CLIP1: variants seen among roughly 807,000 people sequenced by gnomAD.
CLIP1 encodes the protein CAP-Gly domain containing linker protein 1.
Under a neutral mutation model 161.6 loss-of-function variants are expected in CLIP1, and 66 were observed. The ratio of observed to expected loss-of-function variants is 0.41; its 90% confidence interval spans 0.33 to 0.50. The LOEUF is 0.50. Among genes scored for constraint, CLIP1 ranks in the 20% least tolerant of loss-of-function variants. The pLI, the probability that CLIP1 is intolerant of heterozygous loss-of-function variation, is 0.27. For missense variants in CLIP1, 1,376 were observed against 1,702.0 expected (o/e 0.81, Z 3.37); for synonymous variants, 598 against 626.2 (o/e 0.96, Z 0.67).
rs764107433 is a variant in CLIP1, at chr12:122,341,447, T to G, written c.1757A>C (p.Lys586Thr). The G allele has an allele frequency of 8.1e-6, 13 of 1,613,634 alleles. No homozygotes were observed. The highest frequency in any genetic ancestry group is 1.1e-5 in the Non-Finnish European group (13 of 1,179,700). ...HFGAREETHQ[K>T]EIKALYTATE... Reference sequence around the variant, plus strand: ...GGCGGTATACAGAGCCTTTATCTCCTTCTGATGAGTTTCTTCCCGGGCTCC... The same window carrying G: ...GGCGGTATACAGAGCCTTTATCTCCGTCTGATGAGTTTCTTCCCGGGCTCC... Residue 586 changes from lysine to threonine, a missense_variant, in exon 11 of 26, where the codon AAG (lysine) becomes ACG (threonine). Physicochemically the swap from Lys to Thr is moderately conservative, Grantham distance 78. Around this residue, in one of 6 missense-constraint regions of CLIP1, gnomAD observed 948 missense variants for 1,134.8 expected, o/e 0.84. Coordinates refer to ENST00000620786, the MANE Select transcript of CLIP1 (RefSeq NM_001247997.2).
At chr12:122,284,588 G>A (rs974403604) in intron 21 of CLIP1, among the ~76,000 whole-genome samples, 2 of 152,084 alleles carry the variant, frequency 1.3e-5, no homozygotes, top group African/African-American at 4.8e-5. Flanking sequence ...CTGACCTCAG[G>A]TGATCCACCT....
chr12:122,355,514 A>C lies in CLIP1; in HGVS notation c.1006-202T>G. 1 of 561,350 alleles carries C rather than the reference A, an allele frequency of 1.8e-6. No individual in the cohort carries two copies. The highest frequency in any genetic ancestry group is 3.1e-5 in the Admixed American group (1 of 32,028). 34.8% of individuals were successfully genotyped at this position (561,350 alleles called of 1,614,324 possible). On this transcript the variant is annotated intron_variant, in intron 5 of 25. Transcript: ENST00000620786. This position sits in a 1 kb window ranked among gnomAD's most constrained non-coding sequence, Gnocchi z 4.1. Reference sequence around the variant, plus strand: ...TATAAATCTCACAAAGAATACATCAACGTAAAGAGATCAGCCAGGTGCGGT... The same window carrying C: ...TATAAATCTCACAAAGAATACATCACCGTAAAGAGATCAGCCAGGTGCGGT...
intron 1 of CLIP1, among the ~76,000 whole-genome samples, chr12:122,394,112 A>AGGT (rs1412677340): frequency 2.0e-5 from 3 of 151,990 alleles, no homozygotes; most frequent in African/African-American, 7.2e-5. Flanking sequence ...ATTATTTGGG[A>AGGT]GGTGGTGCAT....
chr12:122,289,658 G>A (rs1037024814), intron 20 of CLIP1, among the ~76,000 whole-genome samples: 1 of 152,052 alleles, frequency 6.6e-6, no homozygotes, highest in African/African-American at 2.4e-5. Context: ...GGTTACAAAA[G>A]AATTTCCAGT....
intron 1 of CLIP1, among the ~76,000 whole-genome samples, chr12:122,406,080 G>A (rs781365259): frequency 1.3e-5 from 2 of 152,012 alleles, no homozygotes; most frequent in Non-Finnish European, 2.9e-5. Context: ...GATGGGGGGC[G>A]GGAAGCAAAC....
chr12:122,279,140 G>T lies in CLIP1; in HGVS notation c.3653C>A (p.Ser1218Tyr). Residue 1218 changes from serine to tyrosine, a missense_variant, in exon 22 of 26, where the codon TCC becomes TAC. By Grantham distance (144) the Ser-to-Tyr change is moderately radical. Coordinates refer to ENST00000620786, the MANE Select transcript of CLIP1 (RefSeq NM_001247997.2). The surrounding 1 kb of genome is among the most constrained non-coding windows in gnomAD (Gnocchi z 4.5). Reference sequence around the variant, plus strand: ...TTCATCTGCGTCTTTTATGAACTTGGATTCTCTAAAAGACCAAAGAGTTAA... The same window carrying T: ...TTCATCTGCGTCTTTTATGAACTTGTATTCTCTAAAAGACCAAAGAGTTAA... The part of the protein sequence containing the change: ...NQLLEMKKRE[S>Y]KFIKDADEEK... The T allele has an allele frequency of 6.2e-7, 1 of 1,608,638 alleles. No homozygotes were observed. The highest frequency in any genetic ancestry group is 8.5e-7 in the Non-Finnish European group (1 of 1,176,838).
At chr12:122,362,380 T>A (rs1953884983) in intron 4 of CLIP1, among the ~76,000 whole-genome samples, 2 of 151,112 alleles carry the variant, frequency 1.3e-5, no homozygotes, top group Non-Finnish European at 2.9e-5. Flanking sequence ...GCGCCGTGGC[T>A]CACGCCTGTA....
chr12:122,303,449 C>A (rs1320367768), intron 20 of CLIP1, among the ~76,000 whole-genome samples: 1 of 152,176 alleles, frequency 6.6e-6, no homozygotes, highest in Non-Finnish European at 1.5e-5. Flanking sequence ...TCTTTAACCC[C>A]ACGTTACAGC....
At chr12:122,349,360 G>A (rs1031601557) in intron 9 of CLIP1, among the ~76,000 whole-genome samples, 4 of 152,140 alleles carry the variant, frequency 2.6e-5, no homozygotes, top group Non-Finnish European at 4.4e-5. Flanking sequence ...CGTAGCCAAC[G>A]CCTCCTTACT....
chr12:122,401,281 T>C (rs1463306531), intron 1 of CLIP1, among the ~76,000 whole-genome samples: 1 of 152,206 alleles, frequency 6.6e-6, no homozygotes, highest in East Asian at 1.9e-4. Flanking sequence ...CCCAACACTT[T>C]GGGAGGCTGA....
chr12:122,304,491 G>T (rs949106945), intron 20 of CLIP1, among the ~76,000 whole-genome samples: 69 of 152,222 alleles, frequency 4.5e-4, no homozygotes, highest in African/African-American at 1.6e-3. Context: ...CTCCCGAGTA[G>T]CCAGAATTAC....
chr12:122,274,160 A>C lies in CLIP1; in HGVS notation c.3969T>G (p.Ile1323Met). 1 of 1,594,552 alleles carries C rather than the reference A, an allele frequency of 6.3e-7. No individual in the cohort carries two copies. Among genetic ancestry groups the C allele is most frequent in the Non-Finnish European group, 8.6e-7 (1 of 1,162,414 alleles). ...DEDERAQESQIDFLNSVIVDL... is the reference protein window; with the variant it reads ...DEDERAQESQMDFLNSVIVDL... ...CCACTATTACTGAATTTAGGAAATCAATCTGATTTGTTAAAAAAAAAATGT... is the reference window on the plus strand; with the variant it reads ...CCACTATTACTGAATTTAGGAAATCCATCTGATTTGTTAAAAAAAAAATGT... The change falls in exon 25 of 26, where the codon ATT becomes ATG. Residue 1323 changes from isoleucine to methionine, a missense_variant and splice_region_variant. Physicochemically the swap from Ile to Met is conservative, Grantham distance 10. Coordinates refer to ENST00000620786, the MANE Select transcript of CLIP1 (RefSeq NM_001247997.2).
At chr12:122,396,393 T>C (rs996602234) in intron 1 of CLIP1, among the ~76,000 whole-genome samples, 5 of 152,158 alleles carry the variant, frequency 3.3e-5, no homozygotes, top group Admixed American at 3.3e-4. Context: ...GTTTTGAAGT[T>C]TGCAAGCCAG....
At chr12:122,284,916 T>C (rs1345929237) in intron 21 of CLIP1, among the ~76,000 whole-genome samples, 1 of 152,156 alleles carries the variant, frequency 6.6e-6, no homozygotes. Flanking sequence ...GCCTAACTTT[T>C]TGAGCTTTAG....
In CLIP1 at chr12:122,341,008, T is replaced by C. The variant is rs749373720; in HGVS notation, c.2196A>G (p.Leu732=). Reference sequence around the variant, plus strand: ...TTATTTCAGCTTCCTGTAATTTGTTTAACGTGTCTTCCATTTCTACGAGAT... The same window carrying C: ...TTATTTCAGCTTCCTGTAATTTGTTCAACGTGTCTTCCATTTCTACGAGAT... ...DQHLVEMEDT[L]NKLQEAEIKV... is the part of the protein sequence containing the mutation. Residue 732 remains leucine, a synonymous_variant, in exon 11 of 26, where the codon TTA becomes TTG. Transcript: ENST00000620786. 1 of 1,614,132 alleles carries C rather than the reference T, an allele frequency of 6.2e-7. No homozygotes were observed. The highest frequency in any genetic ancestry group is 8.5e-7 in the Non-Finnish European group (1 of 1,180,060).
chr12:122,283,497 T>G (rs980636838), intron 21 of CLIP1, among the ~76,000 whole-genome samples: 2 of 150,890 alleles, frequency 1.3e-5, no homozygotes, highest in African/African-American at 4.9e-5. Flanking sequence ...CTCGCTCTGT[T>G]GCCCAGGCTG....
chr12:122,339,197 C>T (rs141933695), intron 11 of CLIP1, among the ~76,000 whole-genome samples: 1 of 152,278 alleles, frequency 6.6e-6, no homozygotes, highest in African/African-American at 2.4e-5. Flanking sequence ...CACACTTGTT[C>T]AGTATTTCCC....
intron 3 of CLIP1, among the ~76,000 whole-genome samples, chr12:122,375,927 C>T (rs1002497570): frequency 6.6e-6 from 1 of 151,674 alleles, no homozygotes; most frequent in Admixed American, 6.6e-5. Context: ...AGGCGTGAGA[C>T]CCCATGTCCG....
intron 23 of CLIP1, chr12:122,278,503 G>T: frequency 1.9e-6 from 1 of 531,626 alleles, no homozygotes; most frequent in Admixed American, 3.5e-5. Flanking sequence ...CTTCACCAAA[G>T]GGACCACCTC....
Sources: allele counts gnomAD v4.1 joint callset (sites outside exome capture counted in the v4.1 genomes callset), GRCh38; gene constraint gnomAD v4.1.1; regional missense constraint gnomAD v4.1.1; non-coding constraint Gnocchi (gnomAD v3.1); transcripts MANE v1.5; gene names NCBI Gene and HGNC (gene_info 2026-07-23, HGNC 2026-07-21).